TSKS: variants seen among roughly 807,000 people sequenced by gnomAD.
The protein encoded by TSKS is testis specific serine kinase substrate.
TSKS carries 27 observed loss-of-function variants against 68.0 expected under a neutral mutation model. The observed-to-expected ratio is 0.40, with a 90% CI of 0.29 to 0.55. The LOEUF (loss-of-function observed/expected upper bound fraction) is 0.55, where lower values mean the gene tolerates loss of function less well. Among genes scored for constraint, TSKS ranks in the 20% least tolerant of loss-of-function variants. The pLI, the probability that TSKS is intolerant of heterozygous loss-of-function variation, is 0.53. For synonymous variants in TSKS, 331 were observed against 340.4 expected, an observed-to-expected ratio of 0.97 and a Z score of 0.30; for missense variants, 806 against 776.0, an observed-to-expected ratio of 1.04 and a Z score of -0.46.
chr19:49,754,848 C>G (rs547940559), intron 2 of TSKS, among the ~76,000 whole-genome samples: 1 of 152,028 alleles, frequency 6.6e-6, no homozygotes, highest in Non-Finnish European at 1.5e-5. Flanking sequence ...ACCTGTAATC[C>G]CAGCACTTTG....
chr19:49,761,956 T>C (rs755442944), intron 2 of TSKS, 48 bp downstream of exon 2: 5 of 1,505,966 alleles, frequency 3.3e-6, no homozygotes, highest in Non-Finnish European at 4.6e-6. Context: ...GCTACCACCT[T>C]GTGGAGGACC....
In TSKS at chr19:49,763,288, G is replaced by C. The variant is rs1347821490; in HGVS notation, c.-41C>G. ...CTCCCAGGGAGGGGCTCCTTCCTCT[G>C]AGACTTCCTACCTACTGTGACCACA... is the stretch of plus-strand genomic sequence containing the variant. On this transcript the variant is annotated 5_prime_UTR_variant, in exon 1 of 11. Coordinates refer to ENST00000246801, the MANE Select transcript of TSKS (RefSeq NM_021733.2). This position sits in a 1 kb window ranked among gnomAD's most constrained non-coding sequence, Gnocchi z 4.5. 5 of 1,475,222 alleles carry C rather than the reference G, an allele frequency of 3.4e-6. No individual in the cohort carries two copies. The highest frequency in any genetic ancestry group is 4.5e-6 in the Non-Finnish European group (5 of 1,118,862). 91.4% of individuals were successfully genotyped at this position (1,475,222 alleles called of 1,614,324 possible).
chr19:49,757,806 G>A (rs2084404454), intron 2 of TSKS, among the ~76,000 whole-genome samples: 1 of 150,156 alleles, frequency 6.7e-6, no homozygotes, highest in Non-Finnish European at 1.5e-5. Flanking sequence ...GTCTCACCCT[G>A]ATTCAGCTCT....
At chr19:49,753,323 G>A (rs1423205967) in intron 2 of TSKS, among the ~76,000 whole-genome samples, 1 of 152,078 alleles carries the variant, frequency 6.6e-6, no homozygotes, top group Admixed American at 6.6e-5. Flanking sequence ...AGCACTTTGG[G>A]AGGCCGAGGC....
chr19:49,742,073 C>G, intron 8 of TSKS, 53 bp from the exon 9 acceptor site: 2 of 1,592,790 alleles, frequency 1.3e-6, no homozygotes, highest in East Asian at 2.3e-5. Flanking sequence ...CTCCAGGACG[C>G]CCCATGCCCC....
chr19:49,761,035 T>A (rs2084436368), intron 2 of TSKS, among the ~76,000 whole-genome samples: 1 of 152,092 alleles, frequency 6.6e-6, no homozygotes, highest in African/African-American at 2.4e-5. Context: ...GAGGTTGCTG[T>A]GAGCCAAGAT....
rs1434943349 is a variant in TSKS, at chr19:49,763,030, G to A, written c.170+48C>T. On this transcript the variant is annotated intron_variant, in intron 1 of 10. Transcript: ENST00000246801. The surrounding 1 kb of genome is among the most constrained non-coding windows in gnomAD (Gnocchi z 4.5). Reference sequence around the variant, plus strand: ...CAGTCGGACTCCTGCTCTGTTGGAGGTAGTGCTGGGCATTAGAACCATCCC... The same window carrying A: ...CAGTCGGACTCCTGCTCTGTTGGAGATAGTGCTGGGCATTAGAACCATCCC... The A allele has an allele frequency of 1.3e-6, 2 of 1,574,640 alleles. No homozygotes were observed. The highest frequency in any genetic ancestry group is 1.2e-5 in the South Asian group (1 of 85,440).
rs750039537 is a variant in TSKS, at chr19:49,740,025, A to G, written c.1622+34T>C. 4.8e-5 allele frequency: 78 copies of G among 1,613,262 alleles called. 2 individuals are homozygous for G. The South Asian group carries it at 8.5e-4, about 17-fold the overall frequency. ...GATCAGGCCCTTTCCCCAAGATCTCACCCTCCTCCCATGCCCTCAGCCTCC... is the reference window on the plus strand; with the variant it reads ...GATCAGGCCCTTTCCCCAAGATCTCGCCCTCCTCCCATGCCCTCAGCCTCC... On this transcript the variant is annotated intron_variant, in intron 10 of 10. Coordinates refer to ENST00000246801, the MANE Select transcript of TSKS (RefSeq NM_021733.2).
intron 6 of TSKS, 50 bp from the exon 7 acceptor site, chr19:49,745,446 C>T: frequency 7.2e-7 from 1 of 1,391,066 alleles, no homozygotes; most frequent in Non-Finnish European, 9.5e-7. Context: ...TCAACAGGTC[C>T]CCACCTACCC....
chr19:49,744,714 G>A (rs549208891), intron 7 of TSKS, among the ~76,000 whole-genome samples: 1 of 152,002 alleles, frequency 6.6e-6, no homozygotes, highest in Non-Finnish European at 1.5e-5. Flanking sequence ...CTCCCGAGTG[G>A]CTAGGACTAC....
intron 9 of TSKS, among the ~76,000 whole-genome samples, chr19:49,741,050 C>A (rs899303061): frequency 3.3e-4 from 50 of 151,770 alleles, no homozygotes; most frequent in Admixed American, 3.3e-3. Flanking sequence ...TGGTGGCAGG[C>A]GCCTGTAGTC....
chr19:49,760,327 A>G (rs944902069), intron 2 of TSKS, among the ~76,000 whole-genome samples: 1 of 151,668 alleles, frequency 6.6e-6, no homozygotes, highest in Non-Finnish European at 1.5e-5. Context: ...TATTATTGTT[A>G]TTATTTTTTT....
At position 49,746,789 on chromosome 19, in the gene TSKS, G is replaced by A. The variant is rs1168077445; in HGVS notation, c.673C>T (p.Arg225Cys). Residue 225 changes from arginine (R) to cysteine (C), a missense_variant, in exon 6 of 11, where the codon CGC becomes TGC. Arg to Cys is a radical substitution (Grantham distance 180). Transcript: ENST00000246801. The part of the protein sequence containing the change: ...QNSALLEEKL[R>C]YLQQQLQDET... ...TCCTGCAGCTGCTGCTGGAGGTAGC[G>A]CAGCTTCTCCTGGGTGGTAAGGGAG... 3 of 1,599,356 alleles carry A rather than the reference G, an allele frequency of 1.9e-6. No homozygotes were observed. The highest frequency in any genetic ancestry group is 2.2e-5 in the South Asian group (2 of 91,024).
chr19:49,745,158 C>T, intron 7 of TSKS, 44 bp downstream of exon 7: 2 of 1,519,780 alleles, frequency 1.3e-6, no homozygotes, highest in Non-Finnish European at 1.8e-6. Context: ...GTTGGGATTG[C>T]CCTGCCCCTT....
At chr19:49,759,826 C>G (rs1046854063) in intron 2 of TSKS, among the ~76,000 whole-genome samples, 2 of 151,494 alleles carry the variant, frequency 1.3e-5, no homozygotes, top group Non-Finnish European at 2.9e-5. Context: ...TAGAGTGAGA[C>G]CCTGTCTCAA....
rs192839277 is a variant in TSKS, at chr19:49,761,055, G to A, written c.399+949C>T. ...TGCTGTGAGCCAAGATCACGCCATTGCACTCCAGCCTGGGCAACAAGAGCG... is the reference window on the plus strand; with the variant it reads ...TGCTGTGAGCCAAGATCACGCCATTACACTCCAGCCTGGGCAACAAGAGCG... On this transcript the variant is annotated intron_variant, in intron 2 of 10. Transcript: ENST00000246801. 3.9e-5 allele frequency among the ~76,000 whole-genome samples: 6 copies of A among 152,180 alleles called. No homozygotes were observed. The East Asian group carries it at 1.2e-3, about 29-fold the overall frequency.
Position 49,746,623 on chromosome 19 carries a change from T to G in TSKS, c.839A>C (p.Gln280Pro). Residue 280 changes from glutamine (Q) to proline (P), a missense_variant, in exon 6 of 11, where the codon CAG becomes CCG. Gln to Pro is a moderately conservative substitution (Grantham distance 76). Transcript: ENST00000246801. ...WNSLGPAATSQGCPGPPGSPD... is the reference protein window; with the variant it reads ...WNSLGPAATSPGCPGPPGSPD... ...ACTCCCTGGCGGGCCGGGGCAGCCCTGGGACGTGGCGGCGGGGCCCAGGCT... is the reference window on the plus strand; with the variant it reads ...ACTCCCTGGCGGGCCGGGGCAGCCCGGGGACGTGGCGGCGGGGCCCAGGCT... The G allele has an allele frequency of 6.2e-7, 1 of 1,610,790 alleles. No homozygotes were observed.
Position 49,763,025 on chromosome 19 carries a change from T to C in TSKS, c.170+53A>G, listed in dbSNP as rs1600205115. On this transcript the variant is annotated intron_variant, in intron 1 of 10. Transcript: ENST00000246801. This position sits in a 1 kb window ranked among gnomAD's most constrained non-coding sequence, Gnocchi z 4.5. ...ACCCACAGTCGGACTCCTGCTCTGTTGGAGGTAGTGCTGGGCATTAGAACC... is the reference window on the plus strand; with the variant it reads ...ACCCACAGTCGGACTCCTGCTCTGTCGGAGGTAGTGCTGGGCATTAGAACC... 4.5e-6 allele frequency: 7 copies of C among 1,567,390 alleles called. No individual in the cohort carries two copies. The highest frequency in any genetic ancestry group is 6.0e-6 in the Non-Finnish European group (7 of 1,158,198).
At chr19:49,748,241 G>A in intron 3 of TSKS, 73 bp from the exon 4 acceptor site, 1 of 1,581,982 alleles carries the variant, frequency 6.3e-7, no homozygotes, top group East Asian at 2.2e-5. Flanking sequence ...ATCTGGGCCT[G>A]GGAAGGTTCC....
Sources: allele counts gnomAD v4.1 joint callset (sites outside exome capture counted in the v4.1 genomes callset), GRCh38; gene constraint gnomAD v4.1.1; non-coding constraint Gnocchi (gnomAD v3.1); transcripts MANE v1.5; gene names NCBI Gene and HGNC (gene_info 2026-07-23, HGNC 2026-07-21).